Variants in RUNX1 observed in about 807,000 individuals in gnomAD.
RUNX1 encodes RUNX family transcription factor 1.
In RUNX1, 19 loss-of-function variants were observed where a neutral mutation model predicts 42.8. That is an observed-to-expected ratio of 0.44 (90% CI 0.31 to 0.65). The LOEUF is 0.65. Among genes scored for constraint, RUNX1 ranks in the 30% least tolerant of loss-of-function variants. RUNX1 has a pLI of 0.07. For synonymous variants in RUNX1, 271 were observed against 289.4 expected, an observed-to-expected ratio of 0.94 and a Z score of 0.64; for missense variants, 528 against 672.0, an observed-to-expected ratio of 0.79 and a Z score of 2.37.
intron 2 of RUNX1, among the ~76,000 whole-genome samples, chr21:34,896,569 G>A (rs529900432): frequency 6.6e-6 from 1 of 152,310 alleles, no homozygotes; most frequent in East Asian, 1.9e-4. Flanking sequence ...TGTAATCCCA[G>A]CTATTCAGGA....
chr21:34,795,376 C>T (rs912068292), intron 8 of RUNX1, among the ~76,000 whole-genome samples: 5 of 152,174 alleles, frequency 3.3e-5, no homozygotes, highest in Non-Finnish European at 5.9e-5. Flanking sequence ...ACCCCATCCT[C>T]CCTCCCTCTA....
chr21:34,834,345 G>C, intron 7 of RUNX1, 65 bp downstream of exon 7: 1 of 1,534,106 alleles, frequency 6.5e-7, no homozygotes, highest in Non-Finnish European at 9.0e-7. Flanking sequence ...GTGCACATGG[G>C]GGCCAGTTGT....
At chr21:34,972,306 T>C (rs2058769270) in intron 2 of RUNX1, among the ~76,000 whole-genome samples, 1 of 152,214 alleles carries the variant, frequency 6.6e-6, no homozygotes, top group South Asian at 2.1e-4. Context: ...TGGCAAAACA[T>C]TTTCCAATTC....
intron 3 of RUNX1, chr21:34,889,975 A>C: frequency 1.0e-4 from 48 of 470,230 alleles, no homozygotes; most frequent in Non-Finnish European, 1.3e-4. Context: ...GAGCCCCTCA[A>C]TTAAGCTCCC....
chr21:34,949,432 T>A (rs1418694447), intron 2 of RUNX1, among the ~76,000 whole-genome samples: 1 of 152,216 alleles, frequency 6.6e-6, no homozygotes, highest in Non-Finnish European at 1.5e-5. Context: ...AAAAATACAA[T>A]TTTCTGTAAT....
At chr21:35,033,366 G>A (rs900072314) in intron 2 of RUNX1, among the ~76,000 whole-genome samples, 6 of 152,212 alleles carry the variant, frequency 3.9e-5, no homozygotes, top group African/African-American at 1.2e-4. Context: ...TCCTTTGCAC[G>A]AGCTACCAAT....
intron 2 of RUNX1, among the ~76,000 whole-genome samples, chr21:35,004,197 C>T (rs1307140472): frequency 1.3e-5 from 2 of 152,202 alleles, no homozygotes; most frequent in Middle Eastern, 3.2e-3. Flanking sequence ...CCATTGACTA[C>T]TTGTGTACAC....
intron 2 of RUNX1, among the ~76,000 whole-genome samples, chr21:34,903,895 C>T (rs1365612141): frequency 1.3e-5 from 2 of 152,018 alleles, no homozygotes. Context: ...GAAAAAGCAA[C>T]AATAGAAGTA....
intron 4 of RUNX1, among the ~76,000 whole-genome samples, chr21:34,882,610 T>C (rs2057921336): frequency 6.6e-6 from 1 of 152,162 alleles, no homozygotes; most frequent in Admixed American, 6.5e-5. Flanking sequence ...TTAAGAGCAG[T>C]GATACGACAA....
chr21:35,039,661 A>G (rs2059343277), intron 2 of RUNX1, among the ~76,000 whole-genome samples: 1 of 152,186 alleles, frequency 6.6e-6, no homozygotes, highest in Non-Finnish European at 1.5e-5. Flanking sequence ...TTTGAATACA[A>G]CCTGGAGGGA....
rs1169165775 is a variant in RUNX1, at chr21:34,901,620, AGCCCTTCTCCACATTCTCTTTGGTGTGG to A, written c.59-8685_59-8658del. ...ACGTGTGGACCCTGGAAAGGGTGTG[AGCCCTTCTCCACATTCTCTTTGGTGTGG>A]GCCCTTCTCCACATGCTCTTTGGTT... On this transcript the variant is annotated intron_variant, in intron 2 of 8. Coordinates refer to ENST00000675419, the MANE Select transcript of RUNX1 (RefSeq NM_001754.5). The surrounding 1 kb of genome is among the most constrained non-coding windows in gnomAD (Gnocchi z 4.3). Among the ~76,000 whole-genome samples the A allele has an allele frequency of 2.0e-5, 3 of 152,176 alleles. No homozygotes were observed. Among genetic ancestry groups the A allele is most frequent in the Non-Finnish European group, 2.9e-5 (2 of 68,030 alleles).
At chr21:34,982,773 T>G (rs1231498882) in intron 2 of RUNX1, among the ~76,000 whole-genome samples, 1 of 152,184 alleles carries the variant, frequency 6.6e-6, no homozygotes, top group South Asian at 2.1e-4. Flanking sequence ...TTTCACCATG[T>G]TGGTCAGGCT....
At chr21:34,878,205 GA>G (rs2057842957) in intron 5 of RUNX1, among the ~76,000 whole-genome samples, 1 of 147,350 alleles carries the variant, frequency 6.8e-6, no homozygotes, top group Admixed American at 6.8e-5. Context: ...GAAAAAGAAA[GA>G]AAAAAATCTG....
At chr21:34,864,203 G>A (rs1249760346) in intron 5 of RUNX1, among the ~76,000 whole-genome samples, 1 of 152,242 alleles carries the variant, frequency 6.6e-6, no homozygotes, top group Non-Finnish European at 1.5e-5. Context: ...ATCTGCAGAA[G>A]TAGGATCTGT....
chr21:34,805,899 A>G (rs1228887907), intron 7 of RUNX1, among the ~76,000 whole-genome samples: 1 of 152,216 alleles, frequency 6.6e-6, no homozygotes, highest in Non-Finnish European at 1.5e-5. Context: ...GGAAGGAAGA[A>G]GTGGTAGTTA....
chr21:34,847,916 G>A (rs1364961100), intron 6 of RUNX1, among the ~76,000 whole-genome samples: 46 of 151,940 alleles, frequency 3.0e-4, no homozygotes. Flanking sequence ...AATCTGCCAA[G>A]CTTTTTTTTT....
intron 7 of RUNX1, among the ~76,000 whole-genome samples, chr21:34,832,336 G>A (rs2057075542): frequency 6.6e-6 from 1 of 152,146 alleles, no homozygotes; most frequent in Non-Finnish European, 1.5e-5. Flanking sequence ...ATCTGATGAA[G>A]AAGGAAATCA....
intron 5 of RUNX1, among the ~76,000 whole-genome samples, chr21:34,860,530 C>T (rs372948341): frequency 6.7e-5 from 10 of 149,436 alleles, no homozygotes; most frequent in African/African-American, 1.7e-4. Context: ...TGTGTCTGTG[C>T]GTGTGTGTGT....
intron 2 of RUNX1, among the ~76,000 whole-genome samples, chr21:34,998,516 A>G (rs1818433481): frequency 1.3e-5 from 2 of 151,518 alleles, no homozygotes; most frequent in African/African-American, 2.4e-5. Context: ...TCCTCATCTC[A>G]TCTGGTCAGC....
Sources: gnomAD v4.1 joint callset for allele counts (sites outside exome capture counted in the v4.1 genomes callset) on GRCh38, gnomAD v4.1.1 for gene constraint, Gnocchi (gnomAD v3.1) non-coding constraint, MANE v1.5 for transcripts, NCBI Gene and HGNC (gene_info 2026-07-23, HGNC 2026-07-21) for gene names.